The following TMEM266 variants were observed in gnomAD, a reference collection of about 807,000 sequenced individuals.
TMEM266 encodes transmembrane protein 266.
Under a neutral mutation model 50.5 loss-of-function variants are expected in TMEM266, and 33 were observed. The observed-to-expected ratio is 0.65, with a 90% CI of 0.50 to 0.87. The LOEUF (loss-of-function observed/expected upper bound fraction) is 0.87, where lower values mean the gene tolerates loss of function less well. Among genes scored for constraint, TMEM266 ranks in the 40% least tolerant of loss-of-function variants. TMEM266 has a pLI of 0.00. For synonymous variants in TMEM266, 310 were observed against 292.3 expected, an observed-to-expected ratio of 1.06 and a Z score of -0.62; for missense variants, 655 against 695.1, an observed-to-expected ratio of 0.94 and a Z score of 0.65.
chr15:76,137,985 G>A, intron 3 of TMEM266, 90 bp downstream of exon 3: 5 of 1,268,488 alleles, frequency 3.9e-6, no homozygotes, highest in Non-Finnish European at 5.4e-6. Context: ...ACTTTGGGAG[G>A]CAGAGGCGGG....
intron 8 of TMEM266, 58 bp from the exon 9 acceptor site, chr15:76,191,910 C>A: frequency 6.8e-7 from 1 of 1,479,858 alleles, no homozygotes; most frequent in East Asian, 2.6e-5. Flanking sequence ...AGAGGTCAGG[C>A]TGGAGGCCCC....
intron 1 of TMEM266, among the ~76,000 whole-genome samples, chr15:76,129,218 TATG>T (rs2037467692): frequency 6.6e-6 from 1 of 152,128 alleles, no homozygotes; most frequent in African/African-American, 2.4e-5. Flanking sequence ...AAGAAGACAA[TATG>T]TGTCTCCTAC....
At chr15:76,113,447 G>A (rs2037204405) in intron 1 of TMEM266, 1 of 152,414 alleles carries the variant, frequency 6.6e-6, no homozygotes, top group South Asian at 2.1e-4. Context: ...GTGTAGAGAA[G>A]GATAAGGAAT....
intron 8 of TMEM266, among the ~76,000 whole-genome samples, chr15:76,184,494 C>G (rs368816593): frequency 6.6e-6 from 1 of 152,178 alleles, no homozygotes; most frequent in African/African-American, 2.4e-5. Flanking sequence ...TTACCAACAA[C>G]GGTGAAACTA....
intron 9 of TMEM266, among the ~76,000 whole-genome samples, chr15:76,194,853 T>A (rs757683848): frequency 1.3e-5 from 2 of 152,134 alleles, no homozygotes; most frequent in Admixed American, 6.6e-5. Context: ...TCTTTCCAAG[T>A]AAGACCACAT....
chr15:76,148,176 G>C (rs1380679660), intron 3 of TMEM266, among the ~76,000 whole-genome samples: 4 of 152,186 alleles, frequency 2.6e-5, no homozygotes, highest in Non-Finnish European at 5.9e-5. Context: ...AAGTTTAAAT[G>C]CGTGGCCACG....
At chr15:76,130,043 C>G (rs116196935) in intron 1 of TMEM266, among the ~76,000 whole-genome samples, 1,857 of 149,428 alleles carry the variant, frequency 0.012, 37 homozygotes, top group African/African-American at 0.044. Flanking sequence ...GGGCAACATA[C>G]TGAGACCTCC....
intron 3 of TMEM266, among the ~76,000 whole-genome samples, chr15:76,140,883 A>G (rs1306028437): frequency 6.6e-6 from 1 of 152,068 alleles, no homozygotes; most frequent in African/African-American, 2.4e-5. Context: ...AAAAAAAAAA[A>G]AAAATTAGCC....
intron 9 of TMEM266, among the ~76,000 whole-genome samples, chr15:76,198,096 A>G (rs912652153): frequency 1.3e-5 from 2 of 152,136 alleles, no homozygotes; most frequent in Non-Finnish European, 2.9e-5. Context: ...GCCCTGGGCT[A>G]AACATTCATG....
At chr15:76,198,692 G>A (rs908175117) in intron 9 of TMEM266, among the ~76,000 whole-genome samples, 5 of 152,262 alleles carry the variant, frequency 3.3e-5, no homozygotes, top group African/African-American at 1.2e-4. Context: ...CAAGCACCAG[G>A]GAGACAGTAA....
chr15:76,093,513 T>C (rs2036882036), intron 1 of TMEM266, among the ~76,000 whole-genome samples: 1 of 151,786 alleles, frequency 6.6e-6, no homozygotes, highest in African/African-American at 2.4e-5. Context: ...GTATATGTTA[T>C]TGATGGACAT....
chr15:76,096,846 T>G (rs2036927947), intron 1 of TMEM266, among the ~76,000 whole-genome samples: 2 of 152,062 alleles, frequency 1.3e-5, no homozygotes. Flanking sequence ...CATTGATCCC[T>G]TTACCATTAT....
chr15:76,142,117 A>G (rs545575532), intron 3 of TMEM266, among the ~76,000 whole-genome samples: 40 of 152,290 alleles, frequency 2.6e-4, no homozygotes, highest in African/African-American at 9.4e-4. Context: ...GGCCGGGTGC[A>G]GTGGCTCACG....
chr15:76,061,446 A>G (rs938507193), intron 1 of TMEM266, among the ~76,000 whole-genome samples: 2 of 152,334 alleles, frequency 1.3e-5, no homozygotes, highest in East Asian at 1.9e-4. Flanking sequence ...ACTCAAGCAC[A>G]TGGGGATACT....
chr15:76,081,521 A>G (rs956269129), intron 1 of TMEM266, among the ~76,000 whole-genome samples: 2 of 152,204 alleles, frequency 1.3e-5, no homozygotes, highest in Non-Finnish European at 2.9e-5. Context: ...TCTAAAGCCA[A>G]TAAGAAGGGA....
chr15:76,070,587 C>T (rs2036524406), intron 1 of TMEM266, among the ~76,000 whole-genome samples: 1 of 152,184 alleles, frequency 6.6e-6, no homozygotes, highest in South Asian at 2.1e-4. Flanking sequence ...CTCAAGTACT[C>T]TAGTACTACT....
chr15:76,101,920 C>T (rs543089752), intron 1 of TMEM266, among the ~76,000 whole-genome samples: 57 of 152,330 alleles, frequency 3.7e-4, no homozygotes, highest in Non-Finnish European at 2.1e-4. Context: ...GGGAGCCACT[C>T]CAGCTATGCA....
At chr15:76,063,279 G>A (rs970990613) in intron 1 of TMEM266, among the ~76,000 whole-genome samples, 4 of 152,146 alleles carry the variant, frequency 2.6e-5, no homozygotes, top group Non-Finnish European at 5.9e-5. Flanking sequence ...GGGAGCCCAA[G>A]GTATATGACC....
chr15:76,071,373 C>T (rs1282935003), intron 1 of TMEM266, among the ~76,000 whole-genome samples: 1 of 152,174 alleles, frequency 6.6e-6, no homozygotes, highest in Non-Finnish European at 1.5e-5. Context: ...CACCATTACC[C>T]ACCTACAGCC....
Sources: allele counts gnomAD v4.1 joint callset (sites outside exome capture counted in the v4.1 genomes callset), GRCh38; gene constraint gnomAD v4.1.1; transcripts MANE v1.5; gene names NCBI Gene and HGNC (gene_info 2026-07-23, HGNC 2026-07-21).